Variants in CNOT6L observed in about 807,000 individuals in gnomAD.
CNOT6L encodes CCR4-NOT transcription complex subunit 6-like.
In CNOT6L, 7 loss-of-function variants were observed where a neutral mutation model predicts 64.0. The ratio of observed to expected loss-of-function variants is 0.11; its 90% CI spans 0.06 to 0.21. CNOT6L has a LOEUF of 0.21. Ranked by LOEUF, CNOT6L falls within the 10% of genes least tolerant of loss-of-function variation. The pLI, the probability that CNOT6L is intolerant of heterozygous loss-of-function variation, is 1.00. For synonymous variants in CNOT6L, 193 were observed against 243.4 expected (o/e 0.79, Z 1.93); for missense variants, 245 against 669.0 (o/e 0.37, Z 6.99).
At chr4:77,809,256 G>A (rs941722123) in intron 1 of CNOT6L, among the ~76,000 whole-genome samples, 5 of 152,094 alleles carry the variant, frequency 3.3e-5, no homozygotes, top group African/African-American at 1.2e-4. Context: ...GAATAATTTA[G>A]ATTACACATT....
At position 77,720,312 on chromosome 4, in the gene CNOT6L, T is replaced by C. The variant is rs1240313122; in HGVS notation, c.*119A>G. 1 of 1,159,534 alleles carries C rather than the reference T, an allele frequency of 8.6e-7. No individual in the cohort carries two copies. Among genetic ancestry groups the C allele is most frequent in the Non-Finnish European group, 1.2e-6 (1 of 806,142 alleles). 71.8% of individuals were successfully genotyped at this position (1,159,534 alleles called of 1,614,324 possible). On this transcript the variant is annotated 3_prime_UTR_variant, in exon 12 of 12. Coordinates refer to ENST00000504123, the MANE Select transcript of CNOT6L (RefSeq NM_144571.3). ...TGTACAAAGTCTTACAGCAAACACA[T>C]AATGAAAGAAACCTGAAGAAGCAGC...
chr4:77,811,734 ACACT>A (rs1327219996), intron 1 of CNOT6L, among the ~76,000 whole-genome samples: 1 of 152,158 alleles, frequency 6.6e-6, no homozygotes, highest in African/African-American at 2.4e-5. Context: ...ACAAACACAC[ACACT>A]CACACAAACA....
At chr4:77,751,166 T>C (rs775993458) in intron 5 of CNOT6L, among the ~76,000 whole-genome samples, 37 of 151,898 alleles carry the variant, frequency 2.4e-4, no homozygotes, top group South Asian at 4.2e-4. Flanking sequence ...CTGAAAAGAA[T>C]AGAAAAATCC....
chr4:77,746,908 CTA>C (rs1428654778), intron 6 of CNOT6L, among the ~76,000 whole-genome samples: 6 of 151,992 alleles, frequency 3.9e-5, no homozygotes. Context: ...TATTGCAGCT[CTA>C]GAGTGGGTTG....
At chr4:77,777,290 C>G (rs769510842) in intron 1 of CNOT6L, among the ~76,000 whole-genome samples, 2 of 152,212 alleles carry the variant, frequency 1.3e-5, no homozygotes, top group Non-Finnish European at 2.9e-5. Context: ...AAAACTAGCA[C>G]AGTCATGTGT....
chr4:77,741,778 A>T (rs748197078), intron 8 of CNOT6L, among the ~76,000 whole-genome samples: 1 of 152,194 alleles, frequency 6.6e-6, no homozygotes, highest in Non-Finnish European at 1.5e-5. Context: ...TTATTAAAAA[A>T]AAATCACAGA....
intron 4 of CNOT6L, among the ~76,000 whole-genome samples, chr4:77,760,860 C>CTTTTTT (rs754195745): frequency 0.044 from 1,313 of 29,948 alleles, 296 homozygotes; most frequent in Non-Finnish European, 0.05. Flanking sequence ...CCATGCCTGG[C>CTTTTTT]TTTTTTTTTT....
intron 5 of CNOT6L, among the ~76,000 whole-genome samples, chr4:77,753,408 A>C (rs13111592): frequency 0.86 from 131,235 of 152,114 alleles, 56,852 homozygotes; most frequent in Non-Finnish European, 0.9. Context: ...CACTGGCTCA[A>C]ACCTGTAATC....
chr4:77,734,218 A>C (rs1722723779), intron 8 of CNOT6L, among the ~76,000 whole-genome samples: 1 of 152,158 alleles, frequency 6.6e-6, no homozygotes. Flanking sequence ...AGGTACTTCA[A>C]AACAAAAACG....
At chr4:77,819,183 C>A (rs761076860) in intron 1 of CNOT6L, 121 bp downstream of exon 1, 1 of 1,598,450 alleles carries the variant, frequency 6.3e-7, no homozygotes. Context: ...CCTCCCCGCC[C>A]GCCAAAGTCC....
intron 5 of CNOT6L, among the ~76,000 whole-genome samples, chr4:77,752,332 T>C (rs971797106): frequency 3.9e-5 from 6 of 152,182 alleles, no homozygotes; most frequent in African/African-American, 1.4e-4. Flanking sequence ...ATAGCTTTAT[T>C]GGTAATGAAT....
intron 11 of CNOT6L, among the ~76,000 whole-genome samples, chr4:77,722,473 G>A (rs772813895): frequency 6.6e-6 from 1 of 152,146 alleles, no homozygotes; most frequent in African/African-American, 2.4e-5. Context: ...CAAGGCCCAA[G>A]AATTGCTTTA....
chr4:77,786,516 C>G (rs928730660), intron 1 of CNOT6L, among the ~76,000 whole-genome samples: 1 of 152,084 alleles, frequency 6.6e-6, no homozygotes, highest in African/African-American at 2.4e-5. Flanking sequence ...CTCTGTCACT[C>G]AGGCTGGAGT....
At chr4:77,803,152 A>G (rs1269292020) in intron 1 of CNOT6L, among the ~76,000 whole-genome samples, 1 of 152,136 alleles carries the variant, frequency 6.6e-6, no homozygotes, top group Non-Finnish European at 1.5e-5. Context: ...GAGACACCCA[A>G]TAGAAAAATT....
intron 6 of CNOT6L, among the ~76,000 whole-genome samples, chr4:77,746,930 T>G (rs774079626): frequency 1.3e-5 from 2 of 152,090 alleles, no homozygotes; most frequent in Non-Finnish European, 2.9e-5. Flanking sequence ...GGTTTTAAAA[T>G]TATTACCTCT....
At chr4:77,820,018 C>T (rs1560446791), upstream of CNOT6L, among the ~76,000 whole-genome samples, 1 of 152,130 alleles carries the variant, frequency 6.6e-6, no homozygotes, top group African/African-American at 2.4e-5. Flanking sequence ...CACGCAGAGC[C>T]TGGCCTTGGC....
intron 1 of CNOT6L, among the ~76,000 whole-genome samples, chr4:77,799,773 G>A (rs1474901961): frequency 1.3e-5 from 2 of 150,796 alleles, no homozygotes; most frequent in Non-Finnish European, 2.9e-5. Context: ...CCTGTAAAAG[G>A]ATCACATATC....
At chr4:77,794,915 A>G (rs1730635798) in intron 1 of CNOT6L, among the ~76,000 whole-genome samples, 1 of 152,170 alleles carries the variant, frequency 6.6e-6, no homozygotes, top group Non-Finnish European at 1.5e-5. Flanking sequence ...ATTAATGAAT[A>G]GATTTAACAG....
chr4:77,719,133 T>C lies in CNOT6L; in HGVS notation c.*1298A>G, dbSNP rs1304161120. 6.6e-6 allele frequency: 1 copy of C among 152,598 alleles called. No homozygotes were observed. Among genetic ancestry groups the C allele is most frequent in the Non-Finnish European group, 1.5e-5 (1 of 68,036 alleles). The allele number at this position is 152,598 out of a possible 1,614,324, so 9.5% of individuals were successfully genotyped here. ...TAACATCAAGTAGCCAACCAATTTT[T>C]CCCCAGAAAACAGTATTCTGTTCAC... On this transcript the variant is annotated 3_prime_UTR_variant, in exon 12 of 12. Coordinates refer to ENST00000504123, the MANE Select transcript of CNOT6L (RefSeq NM_144571.3).
Sources: gnomAD v4.1 joint callset for allele counts (sites outside exome capture counted in the v4.1 genomes callset) on GRCh38, gnomAD v4.1.1 for gene constraint, MANE v1.5 for transcripts, NCBI Gene and HGNC (gene_info 2026-07-23, HGNC 2026-07-21) for gene names.